Variants in TSHZ2 observed in about 807,000 individuals in gnomAD.
TSHZ2 encodes teashirt homolog 2.
TSHZ2 carries 21 observed loss-of-function variants against 74.4 expected under a neutral mutation model. That is an observed-to-expected ratio of 0.28 (90% CI 0.20 to 0.41). TSHZ2 has a LOEUF of 0.41. Ranked by LOEUF, TSHZ2 falls within the 10% of genes least tolerant of loss-of-function variation. TSHZ2 has a pLI of 1.00. For missense variants in TSHZ2, 1,244 were observed against 1,293.5 expected, an observed-to-expected ratio of 0.96 and a Z score of 0.59; for synonymous variants, 540 against 515.3, an observed-to-expected ratio of 1.05 and a Z score of -0.65.
At chr20:53,223,286 C>T (rs560479589) in intron 1 of TSHZ2, among the ~76,000 whole-genome samples, 2 of 152,210 alleles carry the variant, frequency 1.3e-5, no homozygotes, top group East Asian at 1.9e-4. Flanking sequence ...ACTTCTAAAA[C>T]GTATATAGTT....
chr20:53,432,724 T>TA (rs756277477), intron 2 of TSHZ2, among the ~76,000 whole-genome samples: 3 of 152,250 alleles, frequency 2.0e-5, no homozygotes, highest in Admixed American at 6.5e-5. Context: ...AAAAGCAAAT[T>TA]AAAACCACAA....
chr20:53,256,078 C>T lies in TSHZ2; in HGVS notation c.2620C>T (p.Leu874=), dbSNP rs1252281202. The T allele has an allele frequency of 1.2e-6, 2 of 1,614,136 alleles. No homozygotes were observed. Among genetic ancestry groups the T allele is most frequent in the Non-Finnish European group, 1.7e-6 (2 of 1,179,994 alleles). ...CCAGACATCAGAGGGCAAATACCTG[C>T]TGTCTGATCTGGGCCCACAAGAGCG... ...LFQTSEGKYL[L]SDLGPQERMQ... The change falls in exon 2 of 3, where the codon CTG becomes TTG. Residue 874 remains leucine (L), a synonymous_variant. Coordinates refer to ENST00000371497, the MANE Select transcript of TSHZ2 (RefSeq NM_173485.6). The surrounding 1 kb of genome is among the most constrained non-coding windows in gnomAD (Gnocchi z 4.3).
intron 2 of TSHZ2, among the ~76,000 whole-genome samples, chr20:53,326,594 A>G (rs1171169144): frequency 6.6e-6 from 1 of 152,198 alleles, no homozygotes; most frequent in Non-Finnish European, 1.5e-5. Context: ...CCACCTCCCA[A>G]TAAGGCTTTG....
At chr20:53,384,841 G>A (rs763518482) in intron 2 of TSHZ2, among the ~76,000 whole-genome samples, 3 of 152,122 alleles carry the variant, frequency 2.0e-5, no homozygotes, top group Non-Finnish European at 2.9e-5. Context: ...TAAAGGAGTC[G>A]GCTGGACGCG....
intron 1 of TSHZ2, among the ~76,000 whole-genome samples, chr20:53,163,168 T>A (rs976896730): frequency 2.0e-5 from 3 of 152,038 alleles, no homozygotes; most frequent in African/African-American, 7.3e-5. Flanking sequence ...GTGATAGGCG[T>A]CACACCCAGG....
In TSHZ2 at chr20:53,493,576, G is replaced by A. The variant is rs925046135; in HGVS notation, c.*6441G>A. The A allele has an allele frequency of 5.9e-5, 9 of 151,736 alleles. No homozygotes were observed. The highest frequency in any genetic ancestry group is 1.9e-4 in the East Asian group (1 of 5,172). 9.4% of individuals were successfully genotyped at this position (151,736 alleles called of 1,614,324 possible). A position where few individuals can be genotyped will look rare whatever the true frequency, so the allele number is the denominator to read the frequency against. ...TCAAGATTCTTCTCCTTATTTATTC[G>A]GTTGCTGTTGTAATGGGGCCCCAGG... On this transcript the variant is annotated 3_prime_UTR_variant, in exon 3 of 3. Coordinates refer to ENST00000371497, the MANE Select transcript of TSHZ2 (RefSeq NM_173485.6).
In TSHZ2 at chr20:52,973,157, G is replaced by C. The variant is rs1215769727; in HGVS notation, c.-137G>C. ...GAGGAGTTGCAGGGGGGATCGTCAGGGGGACAGAGGCCGAGTGACGTCCTA... is the reference window on the plus strand; with the variant it reads ...GAGGAGTTGCAGGGGGGATCGTCAGCGGGACAGAGGCCGAGTGACGTCCTA... On this transcript the variant is annotated 5_prime_UTR_variant, in exon 1 of 3. Transcript: ENST00000371497. 1 of 1,131,346 alleles carries C rather than the reference G, an allele frequency of 8.8e-7. No homozygotes were observed. The highest frequency in any genetic ancestry group is 1.3e-6 in the Non-Finnish European group (1 of 793,980). 70.1% of individuals were successfully genotyped at this position (1,131,346 alleles called of 1,614,324 possible). A position where few individuals can be genotyped will look rare whatever the true frequency, so the allele number is the denominator to read the frequency against.
chr20:53,253,658 A>G lies in TSHZ2; in HGVS notation c.200A>G (p.Gln67Arg). The change falls in exon 2 of 3, where the codon CAG (glutamine) becomes CGG (arginine). Residue 67 changes from glutamine to arginine, a missense_variant. Transcript: ENST00000371497. ...GPEQKGCFSY[Q>R]NSPGSHLSNQ... ...GAGCAAAAAGGCTGCTTCAGCTACC[A>G]GAACTCTCCAGGAAGTCATTTGTCC... is the stretch of plus-strand genomic sequence containing the variant. 5 of 1,614,206 alleles carry G rather than the reference A, an allele frequency of 3.1e-6. No individual in the cohort carries two copies. Among genetic ancestry groups the G allele is most frequent in the Non-Finnish European group, 4.2e-6 (5 of 1,180,036 alleles).
chr20:52,972,989 A>T lies in TSHZ2; in HGVS notation c.-305A>T, dbSNP rs1269087888. On this transcript the variant is annotated 5_prime_UTR_variant, in exon 1 of 3. Transcript: ENST00000371497. Reference sequence around the variant, plus strand: ...CAAAAACAAAACCAAAAAAATTCCAAAAGCAAAAACAAAAAAGAGAGAGGA... The same window carrying T: ...CAAAAACAAAACCAAAAAAATTCCATAAGCAAAAACAAAAAAGAGAGAGGA... 2.6e-6 allele frequency: 1 copy of T among 381,630 alleles called. No homozygotes were observed. The highest frequency in any genetic ancestry group is 4.6e-6 in the Non-Finnish European group (1 of 216,394). 23.6% of individuals were successfully genotyped at this position (381,630 alleles called of 1,614,324 possible). A position where few individuals can be genotyped will look rare whatever the true frequency, so the allele number is the denominator to read the frequency against.
intron 2 of TSHZ2, among the ~76,000 whole-genome samples, chr20:53,357,727 G>C (rs893813890): frequency 6.6e-6 from 1 of 152,048 alleles, no homozygotes; most frequent in Admixed American, 6.5e-5. Flanking sequence ...ATTGTTCTTC[G>C]TCACTGAGGT....
intron 2 of TSHZ2, among the ~76,000 whole-genome samples, chr20:53,375,512 T>C (rs1981628805): frequency 6.6e-6 from 1 of 152,210 alleles, no homozygotes; most frequent in South Asian, 2.1e-4. Flanking sequence ...CCAATAAATC[T>C]TTCCATAACC....
intron 1 of TSHZ2, among the ~76,000 whole-genome samples, chr20:53,211,688 T>G (rs1263921645): frequency 1.3e-5 from 2 of 152,130 alleles, no homozygotes; most frequent in Non-Finnish European, 2.9e-5. Context: ...CATTCCGGCC[T>G]GGGTGACAGA....
chr20:53,096,818 G>T (rs1202756677), intron 1 of TSHZ2, among the ~76,000 whole-genome samples: 2 of 151,708 alleles, frequency 1.3e-5, no homozygotes, highest in Non-Finnish European at 1.5e-5. Flanking sequence ...GGAGGCAGAG[G>T]TAGCAGTGAG....
intron 1 of TSHZ2, among the ~76,000 whole-genome samples, chr20:53,070,915 A>G (rs899848154): frequency 6.6e-6 from 1 of 152,176 alleles, no homozygotes; most frequent in African/African-American, 2.4e-5. Context: ...CAGGACTTAA[A>G]TTACTGGTAG....
intron 1 of TSHZ2, among the ~76,000 whole-genome samples, chr20:53,169,924 T>C (rs1030991496): frequency 3.3e-5 from 5 of 152,352 alleles, no homozygotes; most frequent in African/African-American, 1.2e-4. Flanking sequence ...AGTAAATATA[T>C]TCAATAAATG....
intron 1 of TSHZ2, among the ~76,000 whole-genome samples, chr20:53,132,659 C>A (rs1987136314): frequency 6.6e-6 from 1 of 152,140 alleles, no homozygotes; most frequent in Non-Finnish European, 1.5e-5. Flanking sequence ...TCTCTCCATT[C>A]TCCTTCCTAG....
intron 2 of TSHZ2, among the ~76,000 whole-genome samples, chr20:53,326,226 G>A (rs976743149): frequency 9.9e-5 from 15 of 152,180 alleles, no homozygotes; most frequent in African/African-American, 3.6e-4. Context: ...GATATTAGAG[G>A]AACAATGACT....
rs1241545865 is a variant in TSHZ2 at position 53,256,338 on chromosome 20, A to G, written c.2880A>G (p.Ser960=). ...AAATGAAGGACATGACCCGCTTGTCAGTGGACCAGCAAAGCAAGGTGGAGC... is the reference window on the plus strand; with the variant it reads ...AAATGAAGGACATGACCCGCTTGTCGGTGGACCAGCAAAGCAAGGTGGAGC... ...GFQMKDMTRL[S]VDQQSKVEQE... The change falls in exon 2 of 3, where the codon TCA becomes TCG. Residue 960 remains serine (S), a synonymous_variant. Coordinates refer to ENST00000371497, the MANE Select transcript of TSHZ2 (RefSeq NM_173485.6). This position sits in a 1 kb window ranked among gnomAD's most constrained non-coding sequence, Gnocchi z 4.3. The G allele has an allele frequency of 1.2e-6, 2 of 1,613,636 alleles. No individual in the cohort carries two copies. The highest frequency in any genetic ancestry group is 1.7e-6 in the Non-Finnish European group (2 of 1,179,678).
chr20:53,303,789 T>C (rs555838498), intron 2 of TSHZ2, among the ~76,000 whole-genome samples: 32 of 152,366 alleles, frequency 2.1e-4, no homozygotes, highest in African/African-American at 6.7e-4. Flanking sequence ...GTCTGTCTTA[T>C]AGGTTCTTGA....
Sources: gnomAD v4.1 joint callset for allele counts (sites outside exome capture counted in the v4.1 genomes callset) on GRCh38, gnomAD v4.1.1 for gene constraint, Gnocchi (gnomAD v3.1) non-coding constraint, MANE v1.5 for transcripts, NCBI Gene and HGNC (gene_info 2026-07-23, HGNC 2026-07-21) for gene names.